ABI2: variants seen among roughly 807,000 people sequenced by gnomAD.
ABI2 encodes the protein abl interactor 2.
A neutral mutation model predicts 59.2 loss-of-function variants in ABI2; 25 were observed. The ratio of observed to expected loss-of-function variants is 0.42; its 90% CI spans 0.31 to 0.59. The LOEUF is 0.59. Among genes scored for constraint, ABI2 ranks in the 20% least tolerant of loss-of-function variants. The pLI is 0.14. For synonymous variants in ABI2, 213 were observed against 235.5 expected (o/e 0.90, Z 0.87); for missense variants, 545 against 681.8 (o/e 0.80, Z 2.23).
chr2:203,372,823 T>C (rs1244098011), intron 2 of ABI2, among the ~76,000 whole-genome samples: 1 of 150,206 alleles, frequency 6.7e-6, no homozygotes, highest in Non-Finnish European at 1.5e-5. Context: ...GCTCCTCACC[T>C]CCCAGACGGG....
At chr2:203,389,918 G>T (rs2096673521) in intron 4 of ABI2, among the ~76,000 whole-genome samples, 1 of 152,160 alleles carries the variant, frequency 6.6e-6, no homozygotes, top group Non-Finnish European at 1.5e-5. Context: ...ATTTTCAGTT[G>T]GGGATAGAAT....
intron 1 of ABI2, among the ~76,000 whole-genome samples, chr2:203,344,897 C>T (rs536192841): frequency 6.6e-6 from 1 of 152,286 alleles, no homozygotes; most frequent in East Asian, 1.9e-4. Flanking sequence ...AATAAGCACT[C>T]TGTAAAAACG....
chr2:203,394,604 C>T, intron 5 of ABI2, 96 bp from the exon 6 acceptor site: 1 of 1,250,162 alleles, frequency 8.0e-7, no homozygotes, highest in East Asian at 2.4e-5. Context: ...TTTCCTATCT[C>T]TGATTACAAA....
chr2:203,398,756 T>C (rs1235738295), intron 8 of ABI2, among the ~76,000 whole-genome samples: 1 of 152,208 alleles, frequency 6.6e-6, no homozygotes, highest in Non-Finnish European at 1.5e-5. Flanking sequence ...TGTGTTTTTT[T>C]TCTCTAAAGT....
At chr2:203,424,453 G>A (rs2098352107) in intron 11 of ABI2, among the ~76,000 whole-genome samples, 1 of 152,152 alleles carries the variant, frequency 6.6e-6, no homozygotes, top group South Asian at 2.1e-4. Context: ...GGAGTGCAGT[G>A]GTACGTTCAG....
chr2:203,328,487 T>TGAGGAG lies in ABI2; in HGVS notation c.-13_-8dup, dbSNP rs769025104. The TGAGGAG allele has an allele frequency of 4.2e-5, 63 of 1,515,028 alleles. No individual in the cohort carries two copies. In the South Asian group the frequency reaches 5.4e-4, roughly 13 times the overall value. The allele number at this position is 1,515,028 out of a possible 1,614,324, so 93.8% of individuals were successfully genotyped here. A position where few individuals can be genotyped will look rare whatever the true frequency, so the allele number is the denominator to read the frequency against. ...GCCGCCGCTCCCTCTGCGACCTGTATGAGGAGGAGGAGGAGGAGGATGTGA... is the reference window on the plus strand; with the variant it reads ...GCCGCCGCTCCCTCTGCGACCTGTATGAGGAGGAGGAGGAGGAGGAGGAGGATGTGA... On this transcript the variant is annotated 5_prime_UTR_variant, in exon 1 of 12. The change creates a new upstream start codon in the 5' untranslated region. Transcript: ENST00000261018.
chr2:203,393,875 C>CAAT (rs1025331728), intron 5 of ABI2, among the ~76,000 whole-genome samples: 2 of 151,582 alleles, frequency 1.3e-5, no homozygotes, highest in Non-Finnish European at 2.9e-5. Context: ...TTAATAAACA[C>CAAT]TAATTTCCCC....
At chr2:203,343,304 C>T (rs534627904) in intron 1 of ABI2, among the ~76,000 whole-genome samples, 1 of 152,244 alleles carries the variant, frequency 6.6e-6, no homozygotes, top group Admixed American at 6.5e-5. Context: ...GCGGAGGTTG[C>T]AGTTAGCTGA....
chr2:203,348,694 T>G (rs2085365749), intron 1 of ABI2, among the ~76,000 whole-genome samples: 1 of 152,190 alleles, frequency 6.6e-6, no homozygotes, highest in African/African-American at 2.4e-5. Context: ...AGGTTTACAC[T>G]GTGAAATTGA....
intron 1 of ABI2, chr2:203,355,016 A>AT (rs933646561): frequency 4.5e-6 from 1 of 220,730 alleles, no homozygotes; most frequent in African/African-American, 2.3e-5. Flanking sequence ...CCATTCTCCA[A>AT]TCTGGATTGT....
In ABI2 at chr2:203,328,628, A is replaced by G. The variant is rs1255318059; in HGVS notation, c.114A>G (p.Ile38Met). ...CCGATTACTGCGAGAACAACTACATACAGGTGCGAAGCATCCCCAGCTGGG... is the reference window on the plus strand; with the variant it reads ...CCGATTACTGCGAGAACAACTACATGCAGGTGCGAAGCATCCCCAGCTGGG... ...RVADYCENNY[I>M]QSADKQRALE... The change falls in exon 1 of 12, where the codon ATA becomes ATG. Residue 38 changes from isoleucine to methionine, a missense_variant. By Grantham distance (10) the Ile-to-Met change is conservative. Transcript: ENST00000261018. The G allele has an allele frequency of 6.3e-7, 1 of 1,578,902 alleles. No individual in the cohort carries two copies. The highest frequency in any genetic ancestry group is 8.6e-7 in the Non-Finnish European group (1 of 1,163,412).
chr2:203,334,217 A>G (rs1463468569), intron 1 of ABI2, among the ~76,000 whole-genome samples: 3 of 152,170 alleles, frequency 2.0e-5, no homozygotes, highest in Non-Finnish European at 4.4e-5. Flanking sequence ...CTGGGATTAC[A>G]GGTGTGAGCC....
In ABI2 at chr2:203,428,674, A is replaced by G. The variant is rs947356910; in HGVS notation, c.*1322A>G. 1.3e-5 allele frequency: 2 copies of G among 152,238 alleles called. No homozygotes were observed. The highest frequency in any genetic ancestry group is 4.8e-5 in the African/African-American group (2 of 41,462). The allele number at this position is 152,238 out of a possible 1,614,324, so 9.4% of individuals were successfully genotyped here. On this transcript the variant is annotated 3_prime_UTR_variant, in exon 12 of 12. Coordinates refer to ENST00000261018, the MANE Select transcript of ABI2 (RefSeq NM_001375670.1). ...AAATTCAGTGGAGTCTGTAGGGCAG[A>G]TAACTTTAATCATCACTACTGTAGT...
intron 1 of ABI2, among the ~76,000 whole-genome samples, chr2:203,362,003 A>T (rs1045705715): frequency 6.6e-6 from 1 of 152,222 alleles, no homozygotes; most frequent in Admixed American, 6.5e-5. Flanking sequence ...AACATTTCTA[A>T]TGAGTTCTGC....
At chr2:203,370,146 A>G (rs1171513186) in intron 2 of ABI2, among the ~76,000 whole-genome samples, 3 of 149,910 alleles carry the variant, frequency 2.0e-5, no homozygotes, top group Admixed American at 6.6e-5. Context: ...GTTGATAACT[A>G]TTTTAGGTTT....
At chr2:203,355,605 G>A (rs1329481549) in intron 1 of ABI2, among the ~76,000 whole-genome samples, 5 of 151,728 alleles carry the variant, frequency 3.3e-5, no homozygotes, top group Admixed American at 6.6e-5. Flanking sequence ...TGAGGTGGGC[G>A]GATCACCTGA....
At chr2:203,367,238 A>T in intron 2 of ABI2, 194 bp downstream of exon 2, 1 of 696,870 alleles carries the variant, frequency 1.4e-6, no homozygotes, top group Non-Finnish European at 2.0e-6. Flanking sequence ...TTTGATAGGA[A>T]AGTAAATCGT....
At chr2:203,364,332 G>T (rs937234845) in intron 1 of ABI2, among the ~76,000 whole-genome samples, 4 of 148,382 alleles carry the variant, frequency 2.7e-5, no homozygotes, top group African/African-American at 9.7e-5. Context: ...GACCTCAAAT[G>T]ATCTGCCCGC....
intron 1 of ABI2, among the ~76,000 whole-genome samples, chr2:203,348,543 AAT>A (rs1241578302): frequency 6.6e-6 from 1 of 152,220 alleles, no homozygotes; most frequent in Non-Finnish European, 1.5e-5. Context: ...TATAAGCCAA[AAT>A]TTAATGATGG....
Sources: allele counts gnomAD v4.1 joint callset (sites outside exome capture counted in the v4.1 genomes callset), GRCh38; gene constraint gnomAD v4.1.1; transcripts MANE v1.5; gene names NCBI Gene and HGNC (gene_info 2026-07-23, HGNC 2026-07-21).